The following FUBP3 variants were observed in gnomAD, a reference collection of about 807,000 sequenced individuals.
FUBP3 encodes far upstream element binding protein 3, also known as far upstream element-binding protein 3.
A neutral mutation model predicts 85.6 loss-of-function variants in FUBP3; 28 were observed. The observed-to-expected ratio is 0.33, with a 90% CI of 0.24 to 0.45. FUBP3 has a LOEUF of 0.45. Ranked by LOEUF, FUBP3 falls within the 20% of genes least tolerant of loss-of-function variation. The pLI is 1.00. For missense variants in FUBP3, 583 were observed against 755.1 expected (o/e 0.77, Z 2.67); for synonymous variants, 271 against 271.4 (o/e 1.00, Z 0.01).
chr9:130,621,773 C>T (rs538535796), intron 9 of FUBP3, among the ~76,000 whole-genome samples: 46 of 151,744 alleles, frequency 3.0e-4, no homozygotes, highest in African/African-American at 1.1e-3. Flanking sequence ...GGTGTGGTGA[C>T]GCGTGCCTGT....
chr9:130,636,812 T>C (rs1830438157), intron 18 of FUBP3, among the ~76,000 whole-genome samples: 1 of 152,092 alleles, frequency 6.6e-6, no homozygotes, highest in African/African-American at 2.4e-5. Flanking sequence ...GTGTCAGGGC[T>C]GGTGGTGATG....
At position 130,629,016 on chromosome 9, in the gene FUBP3, G is replaced by A. The variant is rs772061795; in HGVS notation, c.1118-1612G>A. 1.1e-4 allele frequency among the ~76,000 whole-genome samples: 16 copies of A among 152,310 alleles called. No homozygotes were observed. In the South Asian group the frequency reaches 2.3e-3, roughly 22 times the overall value. On this transcript the variant is annotated intron_variant, in intron 12 of 18. Transcript: ENST00000319725. Reference sequence around the variant, plus strand: ...ACTCCCAACCTCAGGTGATCCACTCGCCTTGGCCTCCCAAAGTGCTGGGAT... The same window carrying A: ...ACTCCCAACCTCAGGTGATCCACTCACCTTGGCCTCCCAAAGTGCTGGGAT...
At chr9:130,634,874 C>G (rs1830357743) in intron 17 of FUBP3, 136 bp downstream of exon 17, 1 of 695,204 alleles carries the variant, frequency 1.4e-6, no homozygotes, top group Non-Finnish European at 2.5e-6. Context: ...TTGCCTTCGT[C>G]CTCCACCCTG....
chr9:130,583,718 TTC>T (rs1190019622), intron 1 of FUBP3, among the ~76,000 whole-genome samples: 11 of 152,172 alleles, frequency 7.2e-5, no homozygotes, highest in African/African-American at 2.7e-4. Context: ...GGAGTGAGTC[TTC>T]CTTAAAGGGT....
chr9:130,619,231 C>T (rs1358736619), intron 8 of FUBP3, among the ~76,000 whole-genome samples: 1 of 149,892 alleles, frequency 6.7e-6, no homozygotes, highest in Non-Finnish European at 1.5e-5. Flanking sequence ...ATTAATGTCC[C>T]ATAAATTTGC....
intron 11 of FUBP3, among the ~76,000 whole-genome samples, chr9:130,625,828 G>A (rs1172496335): frequency 1.3e-5 from 2 of 152,110 alleles, no homozygotes; most frequent in African/African-American, 4.8e-5. Context: ...CTGCTGCTTG[G>A]GGGCACAACA....
chr9:130,631,103 C>T lies in FUBP3; in HGVS notation c.1278+315C>T, dbSNP rs535635480. On this transcript the variant is annotated intron_variant, in intron 13 of 18. Transcript: ENST00000319725. Reference sequence around the variant, plus strand: ...CTCCCCCCACGCTGCCCCGGGACTCCGCTGGCATTGCCCTGGCGGCCAGCC... The same window carrying T: ...CTCCCCCCACGCTGCCCCGGGACTCTGCTGGCATTGCCCTGGCGGCCAGCC... The T allele has an allele frequency of 2.2e-5, 25 of 1,156,274 alleles. 1 individual carries two copies. Among genetic ancestry groups the T allele is most frequent in the Middle Eastern group, 7.0e-4 (2 of 2,852 alleles). The allele number at this position is 1,156,274 out of a possible 1,614,324, so 71.6% of individuals were successfully genotyped here. A position where few individuals can be genotyped will look rare whatever the true frequency, so the allele number is the denominator to read the frequency against.
At chr9:130,621,782 G>C (rs1829758487) in intron 9 of FUBP3, among the ~76,000 whole-genome samples, 1 of 151,884 alleles carries the variant, frequency 6.6e-6, no homozygotes, top group African/African-American at 2.4e-5. Context: ...ACGCGTGCCT[G>C]TAGTCCCAGC....
rs757812635 is a variant in FUBP3, at chr9:130,626,339, C to T, written c.976-25C>T. 25 of 1,600,130 alleles carry T rather than the reference C, an allele frequency of 1.6e-5. No homozygotes were observed. The Admixed American group carries it at 2.6e-4, about 17-fold the overall frequency. ...GTGGTGCTGTGGCAGTGGCAGAGGT[C>T]GCTACAGCCCTGTGATCTTTCCAGG... On this transcript the variant is annotated intron_variant, in intron 11 of 18. Transcript: ENST00000319725.
At chr9:130,629,423 C>T (rs937120447) in intron 12 of FUBP3, among the ~76,000 whole-genome samples, 38 of 152,266 alleles carry the variant, frequency 2.5e-4, no homozygotes, top group Non-Finnish European at 1.0e-4. Context: ...TGTCTCCCGG[C>T]GTCTTTTCTC....
intron 8 of FUBP3, among the ~76,000 whole-genome samples, chr9:130,618,635 C>T (rs1243136525): frequency 1.3e-5 from 2 of 152,162 alleles, no homozygotes; most frequent in African/African-American, 2.4e-5. Context: ...CTACTTTTTT[C>T]TGCCACCTGC....
Position 130,589,679 on chromosome 9 carries a change from A to T in FUBP3, c.85-5804A>T, listed in dbSNP as rs1459748111. 1.3e-4 allele frequency among the ~76,000 whole-genome samples: 3 copies of T among 22,670 alleles called. 1 individual carries two copies. Among genetic ancestry groups the T allele is most frequent in the Non-Finnish European group, 1.5e-4 (2 of 13,642 alleles). 14.9% of individuals were successfully genotyped at this position (22,670 alleles called of 152,430 possible). On this transcript the variant is annotated intron_variant, in intron 1 of 18. Transcript: ENST00000319725. ...TAAATATGTATGTATGTGTGTGTAT[A>T]TATATATATATATATATATATATAT...
chr9:130,599,805 C>G (rs1160595465), intron 2 of FUBP3, among the ~76,000 whole-genome samples: 1 of 152,196 alleles, frequency 6.6e-6, no homozygotes, highest in Non-Finnish European at 1.5e-5. Flanking sequence ...GAGCCTCTCC[C>G]TGCAGTCAGT....
In FUBP3 at chr9:130,586,626, G is replaced by T. The variant is rs535930698; in HGVS notation, c.84+6862G>T. On this transcript the variant is annotated intron_variant, in intron 1 of 18. Coordinates refer to ENST00000319725, the MANE Select transcript of FUBP3 (RefSeq NM_003934.2). ...GAGATAAAGCAGTTTTCTCAGAGGT[G>T]CACATGGGTAATATATGCAGCAGTT... is the stretch of plus-strand genomic sequence containing the variant. Among the ~76,000 whole-genome samples, 34 of 152,184 alleles carry T rather than the reference G, an allele frequency of 2.2e-4. No individual in the cohort carries two copies. The South Asian group carries it at 2.9e-3, about 13-fold the overall frequency.
In FUBP3 at chr9:130,616,562, G is replaced by T. The variant is rs754326801; in HGVS notation, c.567+45G>T. 6.3e-7 allele frequency: 1 copy of T among 1,586,336 alleles called. No individual in the cohort carries two copies. The highest frequency in any genetic ancestry group is 1.1e-5 in the South Asian group (1 of 90,108). On this transcript the variant is annotated intron_variant, in intron 7 of 18. Coordinates refer to ENST00000319725, the MANE Select transcript of FUBP3 (RefSeq NM_003934.2). This position sits in a 1 kb window ranked among gnomAD's most constrained non-coding sequence, Gnocchi z 4.7. The stretch of plus-strand genomic sequence containing the variant: ...GGAGCACAGCGGCCGCTCGCAGCAG[G>T]TCTTCAGCTTCCTGGCCCAGGAGAT...
At chr9:130,583,894 A>G (rs1258126705) in intron 1 of FUBP3, among the ~76,000 whole-genome samples, 1 of 152,084 alleles carries the variant, frequency 6.6e-6, no homozygotes, top group African/African-American at 2.4e-5. Flanking sequence ...GTGATAATTT[A>G]TCATATAATA....
At chr9:130,588,868 C>A (rs1830462981) in intron 1 of FUBP3, among the ~76,000 whole-genome samples, 1 of 152,234 alleles carries the variant, frequency 6.6e-6, no homozygotes. Context: ...CATACTGTTT[C>A]CTCCCACTGT....
intron 2 of FUBP3, 49 bp downstream of exon 2, chr9:130,595,637 A>C: frequency 1.2e-6 from 1 of 834,774 alleles, no homozygotes; most frequent in Non-Finnish European, 2.1e-6. Context: ...TGAACCTGCC[A>C]GTTAAGTTTG....
intron 7 of FUBP3, 47 bp from the exon 8 acceptor site, chr9:130,617,750 A>G: frequency 8.6e-7 from 1 of 1,159,020 alleles, no homozygotes; most frequent in Non-Finnish European, 1.3e-6. Context: ...CCTGCATTTC[A>G]TGCCCTGCAT....
Sources: gnomAD v4.1 joint callset for allele counts (sites outside exome capture counted in the v4.1 genomes callset) on GRCh38, gnomAD v4.1.1 for gene constraint, Gnocchi (gnomAD v3.1) non-coding constraint, MANE v1.5 for transcripts, NCBI Gene and HGNC (gene_info 2026-07-23, HGNC 2026-07-21) for gene names.